Variants in ENPP2 observed in about 807,000 individuals in gnomAD.
ENPP2 encodes autotaxin.
A neutral mutation model predicts 120.2 loss-of-function variants in ENPP2; 51 were observed. The observed-to-expected ratio is 0.42, with a 90% CI of 0.34 to 0.54. ENPP2 has a LOEUF of 0.54. Among genes scored for constraint, ENPP2 ranks in the 20% least tolerant of loss-of-function variants. The pLI is 0.04. For missense variants in ENPP2, 920 were observed against 1,066.5 expected (o/e 0.86, Z 1.91); for synonymous variants, 365 against 366.4 (o/e 1.00, Z 0.04).
intron 1 of ENPP2, among the ~76,000 whole-genome samples, chr8:119,654,040 GTTATA>G (rs1386262776): frequency 2.1e-5 from 3 of 143,796 alleles, no homozygotes; most frequent in Non-Finnish European, 3.0e-5. Flanking sequence ...TTTATTATAT[GTTATA>G]TTATCTAGAG....
chr8:119,574,755 T>C (rs1812217903), intron 19 of ENPP2, among the ~76,000 whole-genome samples: 1 of 152,152 alleles, frequency 6.6e-6, no homozygotes, highest in Non-Finnish European at 1.5e-5. Flanking sequence ...CCCACAATAA[T>C]ATGCTCTTAA....
intron 1 of ENPP2, among the ~76,000 whole-genome samples, chr8:119,670,817 G>T (rs1401925082): frequency 1.3e-5 from 2 of 152,050 alleles, no homozygotes; most frequent in Admixed American, 6.6e-5. Context: ...TACAAAAATG[G>T]TACATAAAAT....
intron 12 of ENPP2, among the ~76,000 whole-genome samples, chr8:119,593,468 ACTGT>A (rs945727619): frequency 2.0e-5 from 3 of 152,210 alleles, no homozygotes; most frequent in Admixed American, 1.3e-4. Flanking sequence ...TCACAAGGAA[ACTGT>A]CTGTGTTGCT....
At chr8:119,653,375 A>G (rs1817678958) in intron 1 of ENPP2, among the ~76,000 whole-genome samples, 1 of 152,254 alleles carries the variant, frequency 6.6e-6, no homozygotes, top group Non-Finnish European at 1.5e-5. Context: ...TAAACGATAA[A>G]GAAAAAAGAG....
chr8:119,573,680 C>T (rs1162143218), intron 19 of ENPP2, among the ~76,000 whole-genome samples: 1 of 151,990 alleles, frequency 6.6e-6, no homozygotes. Context: ...GGCATGGTAG[C>T]ACACGCCTGT....
At chr8:119,586,549 G>A (rs1214186077) in intron 14 of ENPP2, among the ~76,000 whole-genome samples, 1 of 152,180 alleles carries the variant, frequency 6.6e-6, no homozygotes, top group African/African-American at 2.4e-5. Flanking sequence ...ATTTTAAGAT[G>A]CATTCCTGGC....
At chr8:119,619,016 C>A (rs984622317) in intron 5 of ENPP2, among the ~76,000 whole-genome samples, 4 of 151,900 alleles carry the variant, frequency 2.6e-5, no homozygotes, top group Admixed American at 6.6e-5. Context: ...ATGTTCAGAC[C>A]CCAATATGTG....
intron 1 of ENPP2, among the ~76,000 whole-genome samples, chr8:119,665,631 A>C (rs1441140123): frequency 6.6e-6 from 1 of 152,236 alleles, no homozygotes; most frequent in African/African-American, 2.4e-5. Flanking sequence ...TACTAAGCCT[A>C]CAGATTGTTG....
intron 2 of ENPP2, among the ~76,000 whole-genome samples, chr8:119,637,967 A>T (rs1290244856): frequency 1.3e-5 from 2 of 152,218 alleles, no homozygotes; most frequent in African/African-American, 4.8e-5. Context: ...TAAATCTTAA[A>T]GTCCTAAATT....
chr8:119,603,003 C>T (rs1175627505), intron 9 of ENPP2, among the ~76,000 whole-genome samples: 1 of 152,150 alleles, frequency 6.6e-6, no homozygotes, highest in Non-Finnish European at 1.5e-5. Flanking sequence ...CTTTCTGGAA[C>T]TATCACACAA....
Position 119,570,826 on chromosome 8 carries a change from T to C in ENPP2, c.1796A>G (p.Tyr599Cys), listed in dbSNP as rs991284726. Residue 599 changes from tyrosine to cysteine, a missense_variant, in exon 20 of 25, where the codon TAT becomes TGT. By Grantham distance (194) the Tyr-to-Cys change is radical. Transcript: ENST00000075322. Reference sequence around the variant, plus strand: ...CCGATAAAGCACTGCAGGTCGCCCATAGAGGAGGTGTCTCTCTAAAAAAGA... The same window carrying C: ...CCGATAAAGCACTGCAGGTCGCCCACAGAGGAGGTGTCTCTCTAAAAAAGA... Reference protein sequence around the residue: ...KGSTEERHLLYGRPAVLYRTR... With the variant: ...KGSTEERHLLCGRPAVLYRTR... 1.9e-6 allele frequency: 3 copies of C among 1,560,790 alleles called. No homozygotes were observed. The highest frequency in any genetic ancestry group is 2.6e-6 in the Non-Finnish European group (3 of 1,160,300).
intron 2 of ENPP2, among the ~76,000 whole-genome samples, chr8:119,631,885 C>T (rs1396632807): frequency 1.3e-5 from 2 of 152,206 alleles, no homozygotes; most frequent in Non-Finnish European, 2.9e-5. Flanking sequence ...GGAGTCTTCA[C>T]GTTCCCTGTC....
At chr8:119,601,033 G>A (rs772450946) in intron 10 of ENPP2, among the ~76,000 whole-genome samples, 2 of 152,082 alleles carry the variant, frequency 1.3e-5, no homozygotes, top group African/African-American at 4.8e-5. Context: ...AGAGCCTGGC[G>A]GTAATTCACA....
intron 8 of ENPP2, among the ~76,000 whole-genome samples, chr8:119,608,556 T>C (rs1395479984): frequency 2.0e-5 from 3 of 152,212 alleles, no homozygotes; most frequent in Admixed American, 6.5e-5. Context: ...ATAAGTTAAG[T>C]GAACCAAGCA....
At chr8:119,571,494 T>C (rs1362568737) in intron 19 of ENPP2, 3 of 152,188 alleles carry the variant, frequency 2.0e-5, no homozygotes, top group Non-Finnish European at 4.4e-5. Context: ...CCAGTGCAGA[T>C]TCAGACCTCC....
At chr8:119,569,668 C>G (rs1814789706) in intron 20 of ENPP2, among the ~76,000 whole-genome samples, 1 of 151,332 alleles carries the variant, frequency 6.6e-6, no homozygotes, top group South Asian at 2.1e-4. Context: ...TAAATAGAAT[C>G]TCATTGAAGA....
rs4871364 is a variant in ENPP2, at chr8:119,582,562, A to G, written c.1584T>C (p.His528=). The change falls in exon 18 of 25, where the codon CAT becomes CAC. Residue 528 remains histidine, a synonymous_variant. Transcript: ENST00000075322. ...GLKPAPNNGT[H]GSLNHLLRTN... ...TGCGCAGGAGATGATTCAAACTTCC[A>G]TGGGTCCCATTATTAGGAGCTGGCT... The G allele has an allele frequency of 0.19, 310,007 of 1,612,376 alleles. 34,513 individuals carry two copies. Among genetic ancestry groups the G allele is most frequent in the African/African-American group, 0.49 (36,815 of 74,874 alleles).
chr8:119,656,670 T>C (rs1276694778), intron 1 of ENPP2, among the ~76,000 whole-genome samples: 1 of 152,154 alleles, frequency 6.6e-6, no homozygotes, highest in Non-Finnish European at 1.5e-5. Flanking sequence ...ACAGAAAATA[T>C]ATAAATATAT....
chr8:119,577,149 C>A (rs1329828825), intron 19 of ENPP2, among the ~76,000 whole-genome samples: 1 of 152,162 alleles, frequency 6.6e-6, no homozygotes, highest in Non-Finnish European at 1.5e-5. Context: ...TAGCTCATGA[C>A]ATATTCTGAA....
Sources: gnomAD v4.1 joint callset for allele counts (sites outside exome capture counted in the v4.1 genomes callset) on GRCh38, gnomAD v4.1.1 for gene constraint, MANE v1.5 for transcripts, NCBI Gene and HGNC (gene_info 2026-07-23, HGNC 2026-07-21) for gene names.